MTHFD2L: variants seen among roughly 807,000 people sequenced by gnomAD.
MTHFD2L encodes methylenetetrahydrofolate dehydrogenase (NADP+ dependent) 2 like.
In MTHFD2L, 29 loss-of-function variants were observed where a neutral mutation model predicts 34.9. The observed-to-expected ratio is 0.83, with a 90% CI of 0.62 to 1.13. MTHFD2L has a LOEUF of 1.13. MTHFD2L is among the 50% of genes most tolerant of loss of function. The pLI, the probability that MTHFD2L is intolerant of heterozygous loss-of-function variation, is 0.00. For missense variants in MTHFD2L, 481 were observed against 446.5 expected (o/e 1.08, Z -0.70); for synonymous variants, 167 against 155.7 (o/e 1.07, Z -0.54).
At chr4:74,120,074 C>T (rs1249320108), upstream of MTHFD2L, among the ~76,000 whole-genome samples, 11 of 152,188 alleles carry the variant, frequency 7.2e-5, no homozygotes, top group Non-Finnish European at 1.0e-4. Context: ...TCATATCATT[C>T]GTAGTGGCTA....
At chr4:74,248,531 T>A (rs1392555027) in intron 6 of MTHFD2L, among the ~76,000 whole-genome samples, 1 of 143,250 alleles carries the variant, frequency 7.0e-6, no homozygotes, top group African/African-American at 2.5e-5. Flanking sequence ...AGCTTTTGAA[T>A]GTGTTTGCTC....
upstream of MTHFD2L, chr4:74,157,084 T>A (rs1724336781): frequency 6.6e-6 from 1 of 152,548 alleles, no homozygotes. Context: ...GTGTTTTATC[T>A]AAAGTCTCAT....
intron 3 of MTHFD2L, among the ~76,000 whole-genome samples, chr4:74,197,720 A>C (rs1733732043): frequency 6.6e-6 from 1 of 152,204 alleles, no homozygotes; most frequent in African/African-American, 2.4e-5. Flanking sequence ...TAAAATGGGC[A>C]TGATCATACC....
chr4:74,251,477 C>T (rs1421234793), intron 6 of MTHFD2L, among the ~76,000 whole-genome samples: 2 of 152,308 alleles, frequency 1.3e-5, no homozygotes, highest in East Asian at 1.9e-4. Context: ...ATCCCAAACT[C>T]TTTTTAGCTT....
intron 4 of MTHFD2L, among the ~76,000 whole-genome samples, chr4:74,200,705 T>C (rs1377872494): frequency 6.6e-6 from 1 of 152,178 alleles, no homozygotes; most frequent in African/African-American, 2.4e-5. Context: ...ACTGTTAGTA[T>C]TGGAAAATCC....
At chr4:74,232,804 G>T (rs1740277065) in intron 6 of MTHFD2L, among the ~76,000 whole-genome samples, 1 of 152,056 alleles carries the variant, frequency 6.6e-6, no homozygotes, top group African/African-American at 2.4e-5. Flanking sequence ...CCATGTACGT[G>T]CTTCTTCATA....
intron 6 of MTHFD2L, among the ~76,000 whole-genome samples, chr4:74,275,636 T>C (rs1746517002): frequency 6.6e-6 from 1 of 152,144 alleles, no homozygotes; most frequent in African/African-American, 2.4e-5. Flanking sequence ...TAATTGCCTT[T>C]CTGCCTGGTG....
intron 1 of MTHFD2L, among the ~76,000 whole-genome samples, chr4:74,149,134 C>G (rs561897148): frequency 1.3e-5 from 2 of 151,822 alleles, no homozygotes; most frequent in East Asian, 3.9e-4. Context: ...ATAGTTTTAT[C>G]TTCTCAATTC....
At chr4:74,282,239 T>G (rs960842440) in intron 7 of MTHFD2L, among the ~76,000 whole-genome samples, 11 of 152,138 alleles carry the variant, frequency 7.2e-5, no homozygotes, top group African/African-American at 2.7e-4. Flanking sequence ...TATATTTACC[T>G]GCATTCAGAT....
At chr4:74,125,570 A>G (rs1290520101) in intron 1 of MTHFD2L, 2 of 152,128 alleles carry the variant, frequency 1.3e-5, no homozygotes, top group African/African-American at 4.8e-5. Context: ...TTTGTCATGA[A>G]ACTAATAGGA....
chr4:74,133,647 G>C (rs766852488), intron 1 of MTHFD2L, among the ~76,000 whole-genome samples: 2 of 151,936 alleles, frequency 1.3e-5, no homozygotes, highest in Non-Finnish European at 2.9e-5. Flanking sequence ...TCCGTTCCAA[G>C]ATTTCTGTTT....
At position 74,268,322 on chromosome 4, in the gene MTHFD2L, A is replaced by G. The variant is rs1745562666; in HGVS notation, c.806-13103A>G. Reference sequence around the variant, plus strand: ...TCACACAAATTCCACTCTAATTATTATCTTTATTTATGTAGTAGGACAATT... The same window carrying G: ...TCACACAAATTCCACTCTAATTATTGTCTTTATTTATGTAGTAGGACAATT... On this transcript the variant is annotated intron_variant, in intron 6 of 7. Transcript: ENST00000325278. 6 of 879,386 alleles carry G rather than the reference A, an allele frequency of 6.8e-6. No homozygotes were observed. The South Asian group carries it at 3.1e-4, about 46-fold the overall frequency. 54.5% of individuals were successfully genotyped at this position (879,386 alleles called of 1,614,324 possible).
At chr4:74,260,021 A>T (rs1462451852) in intron 6 of MTHFD2L, among the ~76,000 whole-genome samples, 4 of 152,106 alleles carry the variant, frequency 2.6e-5, no homozygotes, top group African/African-American at 9.7e-5. Flanking sequence ...GGCACTTATG[A>T]TCATGCTCCA....
chr4:74,198,692 C>T (rs1410479618), intron 3 of MTHFD2L, among the ~76,000 whole-genome samples: 1 of 151,940 alleles, frequency 6.6e-6, no homozygotes. Context: ...ATGATGATCT[C>T]CAAGCTATAG....
chr4:74,247,657 A>G (rs994969692), intron 6 of MTHFD2L, among the ~76,000 whole-genome samples: 67 of 152,290 alleles, frequency 4.4e-4, no homozygotes, highest in African/African-American at 1.4e-3. Flanking sequence ...ACGTCCCATC[A>G]ATACCTAATT....
At chr4:74,288,897 G>T (rs763588211) in intron 7 of MTHFD2L, among the ~76,000 whole-genome samples, 3 of 152,122 alleles carry the variant, frequency 2.0e-5, no homozygotes, top group South Asian at 2.1e-4. Flanking sequence ...TGAAAATTGT[G>T]TCAGGTCCCT....
upstream of MTHFD2L, among the ~76,000 whole-genome samples, chr4:74,118,918 A>G (rs1721702012): frequency 6.6e-6 from 1 of 152,202 alleles, no homozygotes; most frequent in Non-Finnish European, 1.5e-5. Flanking sequence ...TCTAGATTGC[A>G]TGCTCCTTAT....
At chr4:74,158,039 T>G (rs780939806), upstream of MTHFD2L, 4 of 1,508,308 alleles carry the variant, frequency 2.7e-6, no homozygotes, top group South Asian at 4.8e-5. Context: ...CGCTACTTGC[T>G]GCCCTGCCAG....
At chr4:74,219,581 G>A (rs1238874712) in intron 5 of MTHFD2L, among the ~76,000 whole-genome samples, 1 of 152,132 alleles carries the variant, frequency 6.6e-6, no homozygotes, top group Non-Finnish European at 1.5e-5. Flanking sequence ...ATTTTCACAT[G>A]CCAAGGAAGA....
Sources: gnomAD v4.1 joint callset for allele counts (sites outside exome capture counted in the v4.1 genomes callset) on GRCh38, gnomAD v4.1.1 for gene constraint, MANE v1.5 for transcripts, NCBI Gene and HGNC (gene_info 2026-07-23, HGNC 2026-07-21) for gene names.